MTOR: variants seen among roughly 807,000 people sequenced by gnomAD.
MTOR encodes the protein serine/threonine-protein kinase mTOR.
A neutral mutation model predicts 319.8 loss-of-function variants in MTOR; 70 were observed. That is an observed-to-expected ratio of 0.22 (90% confidence interval 0.18 to 0.27). The LOEUF (loss-of-function observed/expected upper bound fraction) is 0.27. Among genes scored for constraint, MTOR ranks in the 10% least tolerant of loss-of-function variants. The pLI is 1.00. For synonymous variants in MTOR, 1,183 were observed against 1,211.4 expected, an observed-to-expected ratio of 0.98 and a Z score of 0.49; for missense variants, 1,890 against 3,274.4, an observed-to-expected ratio of 0.58 and a Z score of 10.32.
intron 36 of MTOR, 110 bp downstream of exon 36, chr1:11,139,194 G>A: frequency 7.1e-7 from 1 of 1,403,886 alleles, no homozygotes; most frequent in South Asian, 1.4e-5. Flanking sequence ...GACATTGTGA[G>A]TAGGTGGTTT....
intron 20 of MTOR, 65 bp downstream of exon 20, chr1:11,216,083 A>T: frequency 8.4e-7 from 1 of 1,193,112 alleles, no homozygotes. Flanking sequence ...TATGTCATTC[A>T]AACTTGCTTC....
rs753907829 is a variant in MTOR, at chr1:11,243,143, C to T, written c.1383G>A (p.Ala461=). ...GGGCGAAGTCCTTTGGGGGCAGGGC[C>T]GCTCGGATGATGTCCAGCACGCGAG... ...YLPRVLDIIR[A]ALPPKDFAHK... is the part of the protein sequence containing the mutation. The change falls in exon 9 of 58, where the codon GCG becomes GCA. Residue 461 remains alanine, a synonymous_variant. Transcript: ENST00000361445. The T allele has an allele frequency of 2.2e-5, 35 of 1,613,994 alleles. No homozygotes were observed. Among genetic ancestry groups the T allele is most frequent in the East Asian group, 1.3e-4 (6 of 44,886 alleles).
chr1:11,148,659 T>G (rs939661042), intron 31 of MTOR, among the ~76,000 whole-genome samples: 5 of 152,076 alleles, frequency 3.3e-5, no homozygotes, highest in Non-Finnish European at 7.4e-5. Context: ...TCCAGCACTT[T>G]GGGAGGCCGA....
At chr1:11,126,040 T>TCAAAA (rs1642816933) in intron 46 of MTOR, among the ~76,000 whole-genome samples, 1 of 43,736 alleles carries the variant, frequency 2.3e-5, no homozygotes. Context: ...AAACTCTGGC[T>TCAAAA]CAAAAAAAAA....
In MTOR at chr1:11,194,677, C is replaced by T. The variant is rs112845751; in HGVS notation, c.4253+4581G>A. 1.5e-3 allele frequency: 2,493 copies of T among 1,613,814 alleles called. 3 individuals are homozygous for T. Among genetic ancestry groups the T allele is most frequent in the Non-Finnish European group, 2.0e-3 (2,346 of 1,179,908 alleles). On this transcript the variant is annotated intron_variant, in intron 28 of 57. Coordinates refer to ENST00000361445, the MANE Select transcript of MTOR (RefSeq NM_004958.4). The stretch of plus-strand genomic sequence containing the variant: ...CCGCAAAGGTGAGATTTGGGGGGAC[C>T]GGAAAGGAGAAGTTCAGGTACAAGC...
intron 49 of MTOR, among the ~76,000 whole-genome samples, chr1:11,117,834 C>A (rs1186143202): frequency 6.6e-6 from 1 of 152,086 alleles, no homozygotes; most frequent in Non-Finnish European, 1.5e-5. Flanking sequence ...AATCCCAGCA[C>A]TTTGGGAGGC....
chr1:11,153,031 T>C (rs1047554908), intron 30 of MTOR, among the ~76,000 whole-genome samples: 2 of 152,250 alleles, frequency 1.3e-5, no homozygotes, highest in African/African-American at 4.8e-5. Flanking sequence ...ATCACTCAGC[T>C]CGGTTTTCTC....
At chr1:11,202,254 C>A (rs1571153969) in intron 26 of MTOR, among the ~76,000 whole-genome samples, 1 of 151,724 alleles carries the variant, frequency 6.6e-6, no homozygotes. Context: ...ATGGTGAAAT[C>A]CCATCTCTAC....
chr1:11,205,259 G>T (rs1369413803), intron 25 of MTOR, among the ~76,000 whole-genome samples: 1 of 152,146 alleles, frequency 6.6e-6, no homozygotes, highest in Non-Finnish European at 1.5e-5. Flanking sequence ...CAGACATCAA[G>T]AGTTACTACC....
chr1:11,252,726 C>A (rs998461942), intron 6 of MTOR, among the ~76,000 whole-genome samples: 1 of 152,080 alleles, frequency 6.6e-6, no homozygotes, highest in Non-Finnish European at 1.5e-5. Context: ...AGCAGGAATC[C>A]CCGGGGTAAA....
intron 28 of MTOR, among the ~76,000 whole-genome samples, chr1:11,171,965 G>A (rs910348902): frequency 1.3e-5 from 2 of 151,676 alleles, no homozygotes; most frequent in Non-Finnish European, 2.9e-5. Context: ...AACCTGGGAA[G>A]GTTGCAGTGA....
chr1:11,180,140 A>G (rs551855110), intron 28 of MTOR, among the ~76,000 whole-genome samples: 6 of 152,290 alleles, frequency 3.9e-5, no homozygotes, highest in South Asian at 4.1e-4. Flanking sequence ...CCTGGCTTCA[A>G]GCAATCCTCC....
intron 6 of MTOR, among the ~76,000 whole-genome samples, chr1:11,248,334 G>A (rs1649123141): frequency 6.6e-6 from 1 of 152,168 alleles, no homozygotes; most frequent in South Asian, 2.1e-4. Flanking sequence ...GCAGCAGAGG[G>A]CTGCCTTGCC....
intron 30 of MTOR, 83 bp downstream of exon 30, chr1:11,157,069 G>A: frequency 6.8e-7 from 1 of 1,472,284 alleles, no homozygotes; most frequent in Non-Finnish European, 9.1e-7. Context: ...AACTCCGTGT[G>A]GGGGAAGCCT....
chr1:11,220,371 A>G (rs1646624408), intron 19 of MTOR, among the ~76,000 whole-genome samples: 1 of 152,154 alleles, frequency 6.6e-6, no homozygotes, highest in Non-Finnish European at 1.5e-5. Flanking sequence ...ATTCTTGGCT[A>G]AAAAAATAAA....
intron 32 of MTOR, 30 bp downstream of exon 32, chr1:11,146,646 T>G: frequency 2.6e-6 from 4 of 1,562,048 alleles, no homozygotes; most frequent in Non-Finnish European, 3.5e-6. Flanking sequence ...TTTTCCTCAC[T>G]GAGAGATCTG....
chr1:11,197,677 G>A (rs936274452), intron 28 of MTOR, among the ~76,000 whole-genome samples: 2 of 152,166 alleles, frequency 1.3e-5, no homozygotes, highest in African/African-American at 2.4e-5. Flanking sequence ...AAGGAGCTGG[G>A]AATACAGATG....
chr1:11,228,005 T>C (rs961056897), intron 19 of MTOR, among the ~76,000 whole-genome samples: 1 of 152,140 alleles, frequency 6.6e-6, no homozygotes, highest in African/African-American at 2.4e-5. Context: ...CAGTATGAGA[T>C]CCAGTAAGAA....
rs1343304784 is a variant in MTOR at position 11,247,904 on chromosome 1, C to T, written c.1031G>A (p.Gly344Glu). 6.2e-7 allele frequency: 1 copy of T among 1,614,058 alleles called. No homozygotes were observed. The highest frequency in any genetic ancestry group is 1.3e-5 in the African/African-American group (1 of 74,926). ...LGYSSHQGLM[G>E]FGTSPSPAKS... ...AGCTGGACTGGGGGAGGTCCCAAAT[C>T]CCATGAGGCCTTGGTGAGAGCTGTA... The change falls in exon 7 of 58, where the codon GGA becomes GAA. Residue 344 changes from glycine (G) to glutamate (E), a missense_variant. This residue lies in a region of MTOR where 418 missense variants were observed against 543.1 expected (regional missense o/e 0.77). Coordinates refer to ENST00000361445, the MANE Select transcript of MTOR (RefSeq NM_004958.4).
Sources: allele counts gnomAD v4.1 joint callset (sites outside exome capture counted in the v4.1 genomes callset), GRCh38; gene constraint gnomAD v4.1.1; regional missense constraint gnomAD v4.1.1; transcripts MANE v1.5; gene names NCBI Gene and HGNC (gene_info 2026-07-23, HGNC 2026-07-21).